Variants in FLII observed in about 807,000 individuals in gnomAD.
FLII encodes the protein protein flightless-1 homolog.
A neutral mutation model predicts 156.2 loss-of-function variants in FLII; 101 were observed. The ratio of observed to expected loss-of-function variants is 0.65; its 90% CI spans 0.55 to 0.76. The LOEUF (loss-of-function observed/expected upper bound fraction) is 0.76, where lower values mean the gene tolerates loss of function less well. Ranked by LOEUF, FLII falls within the 30% of genes least tolerant of loss-of-function variation. The pLI is 0.00. For synonymous variants in FLII, 767 were observed against 685.8 expected (o/e 1.12, Z -1.85); for missense variants, 1,675 against 1,682.8 (o/e 1.00, Z 0.08).
At position 18,258,102 on chromosome 17, in the gene FLII, G is replaced by A. The variant is rs2142883958; in HGVS notation, c.63+526C>T. ...TCACTATACTCCTTGCGTCCAAGGA[G>A]GAGACTTTTAAGCCCCTTCACCGGC... On this transcript the variant is annotated intron_variant, in intron 1 of 29. Coordinates refer to ENST00000327031, the MANE Select transcript of FLII (RefSeq NM_002018.4). The surrounding 1 kb of genome is among the most constrained non-coding windows in gnomAD (Gnocchi z 4.2). Among the ~76,000 whole-genome samples the A allele has an allele frequency of 6.6e-6, 1 of 152,372 alleles. No homozygotes were observed. Among genetic ancestry groups the A allele is most frequent in the South Asian group, 2.1e-4 (1 of 4,830 alleles).
At chr17:18,251,166 C>A in intron 13 of FLII, 99 bp downstream of exon 13, 1 of 1,451,552 alleles carries the variant, frequency 6.9e-7, no homozygotes. Context: ...GCCCACCTCC[C>A]ACCTGGCCTC....
rs2047979515 is a variant in FLII, at chr17:18,245,072, T to C, written c.*66A>G. On this transcript the variant is annotated 3_prime_UTR_variant, in exon 30 of 30. Transcript: ENST00000327031. ...GGTGGTGTCACCTGAGTACATTCTT[T>C]GCTAGCAGACAGTGGATGAGGCCCC... 25 of 1,542,092 alleles carry C rather than the reference T, an allele frequency of 1.6e-5. No individual in the cohort carries two copies. Among genetic ancestry groups the C allele is most frequent in the Non-Finnish European group, 2.1e-5 (24 of 1,135,094 alleles).
Position 18,247,320 on chromosome 17 carries a change from A to C in FLII, c.2525T>G (p.Leu842Trp), listed in dbSNP as rs1174425506. Residue 842 changes from leucine (L) to tryptophan (W), a missense_variant, in exon 21 of 30, where the codon TTG becomes TGG. Leu to Trp is a moderately conservative substitution (Grantham distance 61, BLOSUM62 -2). Around this residue, in one of 2 missense-constraint regions of FLII, gnomAD observed 1,332 missense variants for 1,269.3 expected, o/e 1.05. Coordinates refer to ENST00000327031, the MANE Select transcript of FLII (RefSeq NM_002018.4). ...KAKFKNWDDV[L>W]TVDYTRNAEA... ...CGCATTGCGTGTGTAGTCCACCGTC[A>C]ACACATCGTCCCAATTCTTGAACTT... 1.2e-6 allele frequency: 2 copies of C among 1,609,260 alleles called. No individual in the cohort carries two copies. Among genetic ancestry groups the C allele is most frequent in the South Asian group, 1.1e-5 (1 of 90,834 alleles).
chr17:18,257,726 G>T (rs1236432723), intron 1 of FLII, among the ~76,000 whole-genome samples: 1 of 152,244 alleles, frequency 6.6e-6, no homozygotes, highest in Non-Finnish European at 1.5e-5. Context: ...GAAAAGTGGT[G>T]TAGCCACTTG....
In FLII at chr17:18,248,027, G is replaced by A. The variant is rs781350239; in HGVS notation, c.2197C>T (p.Leu733=). ...PPQPKLYKVG[L]GLGYLELPQI... ...GGCAGCTCCAGGTAGCCCAAGCCCA[G>A]GCCCACCTGGCAGGAAGGATGAGCA... Residue 733 remains leucine (L), a synonymous_variant, in exon 19 of 30, where the codon CTG becomes TTG. Transcript: ENST00000327031. The A allele has an allele frequency of 3.7e-6, 6 of 1,611,008 alleles. No individual in the cohort carries two copies. In the African/African-American group the frequency reaches 6.7e-5, roughly 18 times the overall value.
At position 18,258,375 on chromosome 17, in the gene FLII, C is replaced by G; in HGVS notation, c.63+253G>C. 1 of 1,059,016 alleles carries G rather than the reference C, an allele frequency of 9.4e-7. No homozygotes were observed. The highest frequency in any genetic ancestry group is 1.3e-6 in the Non-Finnish European group (1 of 752,006). The allele number at this position is 1,059,016 out of a possible 1,614,324, so 65.6% of individuals were successfully genotyped here. A position where few individuals can be genotyped will look rare whatever the true frequency, so the allele number is the denominator to read the frequency against. ...AACACGGACGCGGGGTGGGGGCTCC[C>G]GGCCGGGCCCCCGGCGGGACTCCGA... On this transcript the variant is annotated intron_variant, in intron 1 of 29. Transcript: ENST00000327031. The surrounding 1 kb of genome is among the most constrained non-coding windows in gnomAD (Gnocchi z 4.2).
rs1426854860 is a variant in FLII at position 18,246,476 on chromosome 17, A to G, written c.3052-14T>C. On this transcript the variant is annotated splice_polypyrimidine_tract_variant and intron_variant, in intron 23 of 29. Transcript: ENST00000327031. ...CATGCGTACCACCTGGGGATGTGGAAGTGTTAGGGGCAGCTCCCTGGACCC... is the reference window on the plus strand; with the variant it reads ...CATGCGTACCACCTGGGGATGTGGAGGTGTTAGGGGCAGCTCCCTGGACCC... 10 of 1,613,658 alleles carry G rather than the reference A, an allele frequency of 6.2e-6. No individual in the cohort carries two copies. Among genetic ancestry groups the G allele is most frequent in the Non-Finnish European group, 8.5e-6 (10 of 1,179,980 alleles).
chr17:18,252,702 A>C, intron 9 of FLII, 146 bp from the exon 10 acceptor site: 1 of 663,452 alleles, frequency 1.5e-6, no homozygotes, highest in Non-Finnish European at 2.7e-6. Context: ...GACTTCTCAG[A>C]GCCAAGAGAC....
chr17:18,251,074 G>A, intron 13 of FLII, 57 bp from the exon 14 acceptor site: 2 of 1,552,478 alleles, frequency 1.3e-6, no homozygotes, highest in Non-Finnish European at 1.7e-6. Flanking sequence ...GGCCACCCCG[G>A]AGACGCCACT....
chr17:18,252,675 C>T, intron 9 of FLII, 119 bp from the exon 10 acceptor site: 1 of 740,222 alleles, frequency 1.4e-6, no homozygotes, highest in African/African-American at 1.7e-5. Flanking sequence ...GCGGGGGTCT[C>T]CATTCTCTGC....
intron 3 of FLII, among the ~76,000 whole-genome samples, chr17:18,256,191 G>A (rs1415487519): frequency 1.3e-5 from 2 of 152,226 alleles, no homozygotes; most frequent in Admixed American, 1.3e-4. Context: ...ATTAGTGGAG[G>A]GCTAGAGCAT....
At chr17:18,248,926 G>A in intron 16 of FLII, 43 bp from the exon 17 acceptor site, 2 of 1,545,168 alleles carry the variant, frequency 1.3e-6, no homozygotes, top group South Asian at 2.2e-5. Flanking sequence ...GGTGCATGGG[G>A]CAATGGTCAC....
chr17:18,249,036 G>A (rs781456861), intron 16 of FLII, 91 bp downstream of exon 16: 61 of 1,385,164 alleles, frequency 4.4e-5, no homozygotes, highest in Non-Finnish European at 5.8e-5. Flanking sequence ...ATTGCTAGAG[G>A]GCCTCCTCTT....
chr17:18,247,664 T>A lies in FLII; in HGVS notation c.2480A>T (p.Glu827Val). 4.4e-6 allele frequency: 7 copies of A among 1,588,900 alleles called. No homozygotes were observed. The highest frequency in any genetic ancestry group is 6.0e-6 in the Non-Finnish European group (7 of 1,173,208). ...CCGAAGCTGCAAGCGCACCTGCGCCTCGGTGCCCTCGAGGCTGCGGCTGAC... is the reference window on the plus strand; with the variant it reads ...CCGAAGCTGCAAGCGCACCTGCGCCACGGTGCCCTCGAGGCTGCGGCTGAC... Reference protein sequence around the residue: ...ATVSRSLEGTEAQVFKAKFKN... With the variant: ...ATVSRSLEGTVAQVFKAKFKN... The change falls in exon 20 of 30, where the codon GAG becomes GTG. Residue 827 changes from glutamate (E) to valine (V), a missense_variant. Around this residue, in one of 2 missense-constraint regions of FLII, gnomAD observed 1,332 missense variants for 1,269.3 expected, o/e 1.05. Transcript: ENST00000327031.
chr17:18,257,701 G>A (rs1455830430), intron 1 of FLII, among the ~76,000 whole-genome samples: 2 of 152,246 alleles, frequency 1.3e-5, no homozygotes, highest in Non-Finnish European at 2.9e-5. Flanking sequence ...TTAGGGTGGT[G>A]GGGATGGGGT....
At position 18,256,506 on chromosome 17, in the gene FLII, G is replaced by C. The variant is rs936588789; in HGVS notation, c.246+20C>G. 9 of 1,548,072 alleles carry C rather than the reference G, an allele frequency of 5.8e-6. No individual in the cohort carries two copies. The African/African-American group carries it at 1.2e-4, about 21-fold the overall frequency. On this transcript the variant is annotated intron_variant, in intron 3 of 29. Transcript: ENST00000327031. ...CTTGGCCCCAACCCCAAGCTCGGTGGCCTCCCGGCCAGCACTCACGCGCAG... is the reference window on the plus strand; with the variant it reads ...CTTGGCCCCAACCCCAAGCTCGGTGCCCTCCCGGCCAGCACTCACGCGCAG...
rs1567712874 is a variant in FLII at position 18,251,394 on chromosome 17, C to A, written c.1467G>T (p.Glu489Asp). 1 of 1,613,600 alleles carries A rather than the reference C, an allele frequency of 6.2e-7. No individual in the cohort carries two copies. The highest frequency in any genetic ancestry group is 2.2e-5 in the East Asian group (1 of 44,884). ...GLEKPRLDYS[E>D]FFTEDVGQLP... is the part of the protein sequence containing the mutation. ...GCTGGCCCACGTCCTCCGTGAAGAA[C>A]TCGGAGTAGTCAAGGCGGGGCTTCT... The change falls in exon 13 of 30, where the codon GAG (glutamate) becomes GAT (aspartate). Residue 489 changes from glutamate to aspartate, a missense_variant. Physicochemically the swap from Glu to Asp is conservative, Grantham distance 45 (BLOSUM62 2). This residue lies in a region of FLII where 1,332 missense variants were observed against 1,269.3 expected (regional missense o/e 1.05). Coordinates refer to ENST00000327031, the MANE Select transcript of FLII (RefSeq NM_002018.4).
Position 18,247,754 on chromosome 17 carries a change from C to T in FLII, c.2390G>A (p.Arg797His), listed in dbSNP as rs1172220646. 1.2e-6 allele frequency: 2 copies of T among 1,607,300 alleles called. No individual in the cohort carries two copies. The highest frequency in any genetic ancestry group is 1.7e-6 in the Non-Finnish European group (2 of 1,179,866). ...CTGACCCAGCTTGAGGGCGGCAGCG[C>T]GCACCAGGCGCGGGGACTTGCGGCC... The part of the protein sequence containing the change: ...WLGRKSPRLV[R>H]AAALKLGQEL... The change falls in exon 20 of 30, where the codon CGC becomes CAC. Residue 797 changes from arginine to histidine, a missense_variant. Arg to His is a conservative substitution (Grantham distance 29, BLOSUM62 0). Around this residue, in one of 2 missense-constraint regions of FLII, gnomAD observed 1,332 missense variants for 1,269.3 expected, o/e 1.05. Transcript: ENST00000327031.
At position 18,249,200 on chromosome 17, in the gene FLII, T is replaced by C. The variant is rs752019447; in HGVS notation, c.1861A>G (p.Met621Val). 1.1e-5 allele frequency: 17 copies of C among 1,613,950 alleles called. No homozygotes were observed. The highest frequency in any genetic ancestry group is 1.4e-5 in the Non-Finnish European group (17 of 1,180,032). Residue 621 changes from methionine to valine, a missense_variant and splice_region_variant, in exon 16 of 30, where the codon ATG (methionine) becomes GTG (valine). Transcript: ENST00000327031. ...TVEDTHYVTRMYRVYGKKNIK... is the reference protein window; with the variant it reads ...TVEDTHYVTRVYRVYGKKNIK... ...TTCTTTTTCCCATACACACGATACA[T>C]CCTGGGCGCAGGGCAAGAGTGGCTC...
Sources: allele counts gnomAD v4.1 joint callset (sites outside exome capture counted in the v4.1 genomes callset), GRCh38; gene constraint gnomAD v4.1.1; regional missense constraint gnomAD v4.1.1; non-coding constraint Gnocchi (gnomAD v3.1); transcripts MANE v1.5; gene names NCBI Gene and HGNC (gene_info 2026-07-23, HGNC 2026-07-21).